The following TAFA2 variants were observed in gnomAD, a reference collection of about 807,000 sequenced individuals.
TAFA2 encodes TAFA chemokine like family member 2.
A neutral mutation model predicts 18.8 loss-of-function variants in TAFA2; 7 were observed. That is an observed-to-expected ratio of 0.37 (90% CI 0.21 to 0.70). TAFA2 has a LOEUF of 0.70. Ranked by LOEUF, TAFA2 falls within the 30% of genes least tolerant of loss-of-function variation. The pLI is 0.53. For missense variants in TAFA2, 122 were observed against 158.1 expected (o/e 0.77, Z 1.23); for synonymous variants, 60 against 54.2 (o/e 1.11, Z -0.47).
At chr12:61,776,413 T>TAA (rs34038005) in intron 2 of TAFA2, 6,842 of 157,110 alleles carry the variant, frequency 0.044, 484 homozygotes, top group African/African-American at 0.16. Context: ...TAATAGATGT[T>TAA]AAAAAAAAAG....
chr12:61,872,528 T>C (rs1384861595), intron 1 of TAFA2, among the ~76,000 whole-genome samples: 1 of 152,134 alleles, frequency 6.6e-6, no homozygotes, highest in Non-Finnish European at 1.5e-5. Context: ...CCACTGGCCT[T>C]ATACCTTGCT....
intron 1 of TAFA2, among the ~76,000 whole-genome samples, chr12:62,066,680 T>G (rs929335205): frequency 5.3e-5 from 8 of 152,114 alleles, no homozygotes; most frequent in African/African-American, 1.9e-4. Context: ...TACTTCATTG[T>G]GTATGTGTAC....
At chr12:62,046,889 T>C (rs1367239539) in intron 1 of TAFA2, among the ~76,000 whole-genome samples, 1 of 152,114 alleles carries the variant, frequency 6.6e-6, no homozygotes, top group Non-Finnish European at 1.5e-5. Flanking sequence ...ATACCTTTAT[T>C]TTTTATTATT....
chr12:61,989,180 T>A (rs1879915250), intron 1 of TAFA2, among the ~76,000 whole-genome samples: 1 of 152,146 alleles, frequency 6.6e-6, no homozygotes, highest in South Asian at 2.1e-4. Flanking sequence ...TCCTGAAGGT[T>A]GTGATCCCAA....
chr12:62,203,663 T>C (rs111544411), intron 1 of TAFA2, among the ~76,000 whole-genome samples: 1 of 152,044 alleles, frequency 6.6e-6, no homozygotes. Context: ...CAACCCCTGC[T>C]TTTTTTGGCT....
intron 2 of TAFA2, among the ~76,000 whole-genome samples, chr12:61,773,679 C>A (rs919099248): frequency 1.3e-5 from 2 of 151,968 alleles, no homozygotes; most frequent in Admixed American, 1.3e-4. Flanking sequence ...GGATCCTCAT[C>A]TCTCACCTTA....
At chr12:61,839,106 A>G (rs1332754526) in intron 2 of TAFA2, among the ~76,000 whole-genome samples, 2 of 152,108 alleles carry the variant, frequency 1.3e-5, no homozygotes, top group African/African-American at 4.8e-5. Flanking sequence ...CCTCTGGGAC[A>G]CTAAAGCAGA....
At chr12:61,894,413 T>A (rs1028743396) in intron 1 of TAFA2, among the ~76,000 whole-genome samples, 7 of 152,214 alleles carry the variant, frequency 4.6e-5, no homozygotes, top group Non-Finnish European at 1.0e-4. Flanking sequence ...ATGTGGATAT[T>A]TGCATTGGAT....
intron 2 of TAFA2, among the ~76,000 whole-genome samples, chr12:61,855,068 T>C (rs915353444): frequency 6.6e-6 from 1 of 152,200 alleles, no homozygotes; most frequent in East Asian, 1.9e-4. Flanking sequence ...AACAAATGCC[T>C]GCCATCCTTG....
chr12:61,924,664 T>G (rs1877201123), intron 1 of TAFA2, among the ~76,000 whole-genome samples: 1 of 152,072 alleles, frequency 6.6e-6, no homozygotes, highest in African/African-American at 2.4e-5. Context: ...ATCGACACTA[T>G]GAAGAAAGTG....
At chr12:61,748,559 T>A (rs1868846935) in intron 4 of TAFA2, among the ~76,000 whole-genome samples, 1 of 152,106 alleles carries the variant, frequency 6.6e-6, no homozygotes, top group Non-Finnish European at 1.5e-5. Context: ...TGTACATCAT[T>A]TCCCATGGGT....
At chr12:62,058,107 GAT>G (rs1882233430) in intron 1 of TAFA2, among the ~76,000 whole-genome samples, 1 of 152,106 alleles carries the variant, frequency 6.6e-6, no homozygotes, top group African/African-American at 2.4e-5. Flanking sequence ...AATAATTTAA[GAT>G]ATTATTCCAC....
chr12:61,761,357 T>C (rs1229766953), intron 2 of TAFA2, among the ~76,000 whole-genome samples: 2 of 152,066 alleles, frequency 1.3e-5, no homozygotes, highest in African/African-American at 4.8e-5. Flanking sequence ...ATACATAATA[T>C]GGTCACATCT....
At chr12:61,856,311 G>C (rs1163180763) in intron 2 of TAFA2, among the ~76,000 whole-genome samples, 4 of 151,804 alleles carry the variant, frequency 2.6e-5, no homozygotes, top group Non-Finnish European at 5.9e-5. Context: ...CTCTTATAAA[G>C]CCATAATAAA....
intron 1 of TAFA2, among the ~76,000 whole-genome samples, chr12:62,002,496 T>A (rs186963671): frequency 6.4e-4 from 98 of 152,250 alleles, no homozygotes; most frequent in African/African-American, 2.3e-3. Context: ...ATTTTCCCCA[T>A]CTCTTCCATA....
intron 4 of TAFA2, among the ~76,000 whole-genome samples, chr12:61,724,447 G>A (rs1209316288): frequency 6.6e-6 from 1 of 150,792 alleles, no homozygotes; most frequent in Non-Finnish European, 1.5e-5. Context: ...GTGGATAAGT[G>A]CTTTAGTTGT....
At chr12:62,149,488 T>A (rs2062311740) in intron 1 of TAFA2, among the ~76,000 whole-genome samples, 1 of 151,424 alleles carries the variant, frequency 6.6e-6, no homozygotes, top group African/African-American at 2.4e-5. Flanking sequence ...CTAACTAAGA[T>A]TTTATATGAA....
At chr12:61,848,406 C>A (rs939686045) in intron 2 of TAFA2, among the ~76,000 whole-genome samples, 2 of 151,986 alleles carry the variant, frequency 1.3e-5, no homozygotes, top group Non-Finnish European at 2.9e-5. Context: ...TTAGGAATGA[C>A]CTTATTATAA....
At chr12:62,084,649 G>C (rs1868381543) in intron 1 of TAFA2, among the ~76,000 whole-genome samples, 1 of 151,970 alleles carries the variant, frequency 6.6e-6, no homozygotes, top group African/African-American at 2.4e-5. Flanking sequence ...TTATGCTTGG[G>C]CAATCAAAAA....
Sources: allele counts gnomAD v4.1 joint callset (sites outside exome capture counted in the v4.1 genomes callset), GRCh38; gene constraint gnomAD v4.1.1; transcripts MANE v1.5; gene names NCBI Gene and HGNC (gene_info 2026-07-23, HGNC 2026-07-21).